CIMIP2A: variants seen among roughly 807,000 people sequenced by gnomAD.
The protein encoded by CIMIP2A is ciliary microtubule inner protein 2A, also known as family with sequence similarity 166 member A.
chr9:137,254,395 G>A, the CIMIP2A span, among the ~76,000 whole-genome samples: 2 of 81,316 alleles, frequency 2.5e-5, no homozygotes, highest in South Asian at 4.3e-4. Context: ...CCCGGCTTGT[G>A]GGAACAGGAG....
the CIMIP2A span, chr9:137,251,197 T>C: frequency 1.0e-6 from 1 of 957,714 alleles, no homozygotes; most frequent in Non-Finnish European, 1.7e-6. Context: ...AGACAATGTG[T>C]CTTCCTCAGG....
the CIMIP2A span, chr9:137,252,573 G>A: frequency 6.7e-7 from 1 of 1,496,352 alleles, no homozygotes; most frequent in African/African-American, 1.4e-5. Flanking sequence ...CAGGCAGGGG[G>A]CTGGGGGTTC....
chr9:137,244,157 C>T, the CIMIP2A span: 3 of 1,613,070 alleles, frequency 1.9e-6, no homozygotes, highest in Non-Finnish European at 2.5e-6. Context: ...TGTGACCCTG[C>T]CCACTCTACT....
At chr9:137,253,588 C>A in the CIMIP2A span, 1 of 1,127,838 alleles carries the variant, frequency 8.9e-7, no homozygotes, top group Non-Finnish European at 1.2e-6. Flanking sequence ...CTCCATTCAG[C>A]TGCCCCTGAA....
At chr9:137,252,307 T>G in the CIMIP2A span, 1 of 1,317,394 alleles carries the variant, frequency 7.6e-7, no homozygotes, top group Non-Finnish European at 1.1e-6. Flanking sequence ...GGGCTAGGGC[T>G]GGGGCATGGG....
chr9:137,245,183 G>C, the CIMIP2A span: 185 of 1,157,404 alleles, frequency 1.6e-4, 1 homozygote, highest in African/African-American at 2.5e-3. Context: ...GGCGGCGGGC[G>C]GGGGGTGGGT....
chr9:137,250,045 C>T, the CIMIP2A span, among the ~76,000 whole-genome samples: 1 of 152,134 alleles, frequency 6.6e-6, no homozygotes, highest in South Asian at 2.1e-4. Flanking sequence ...ACACCATCTC[C>T]AGGTAAATGG....
the CIMIP2A span, chr9:137,245,328 G>A: frequency 1.5e-4 from 246 of 1,592,422 alleles, 1 homozygote; most frequent in Middle Eastern, 1.8e-3. Context: ...TGGGGGCCTC[G>A]CAAACAGGAG....
At chr9:137,252,280 G>A in the CIMIP2A span, 2 of 1,334,496 alleles carry the variant, frequency 1.5e-6, no homozygotes, top group South Asian at 2.8e-5. Flanking sequence ...CACCTGTAAG[G>A]AGGCCTGGAG....
At chr9:137,252,384 C>T in the CIMIP2A span, 2,815 of 1,556,510 alleles carry the variant, frequency 1.8e-3, 36 homozygotes, top group African/African-American at 0.032. Flanking sequence ...CGAGTGGGGA[C>T]TGTCACCTGG....
the CIMIP2A span, among the ~76,000 whole-genome samples, chr9:137,247,039 A>C: frequency 3.3e-5 from 5 of 151,932 alleles, no homozygotes; most frequent in Admixed American, 2.0e-4. Context: ...TCATCCCAGC[A>C]CTTTGGGAGG....
chr9:137,247,672 T>A, the CIMIP2A span: 1 of 1,612,992 alleles, frequency 6.2e-7, no homozygotes, highest in Non-Finnish European at 8.5e-7. Context: ...AGGGACATAG[T>A]GAGGCTCCGG....
At chr9:137,247,868 C>T in the CIMIP2A span, 1 of 713,916 alleles carries the variant, frequency 1.4e-6, no homozygotes, top group South Asian at 1.7e-5. Context: ...TGAGGGCCCA[C>T]ATTGCACAGG....
chr9:137,247,703 G>C, the CIMIP2A span: 1 of 1,613,432 alleles, frequency 6.2e-7, no homozygotes, highest in Non-Finnish European at 8.5e-7. Flanking sequence ...TCGTGTTTCT[G>C]AGTAGTTGTC....
the CIMIP2A span, chr9:137,245,508 C>A: frequency 2.5e-6 from 4 of 1,613,884 alleles, no homozygotes; most frequent in Non-Finnish European, 3.4e-6. Flanking sequence ...CGTCCACCTC[C>A]AAGGGTGGGA....
chr9:137,243,910 A>C, the CIMIP2A span: 1 of 1,157,640 alleles, frequency 8.6e-7, no homozygotes, highest in Non-Finnish European at 1.3e-6. Flanking sequence ...TTGGTGGGGA[A>C]CTTGCTTGTT....
the CIMIP2A span, chr9:137,252,461 A>C: frequency 1.9e-6 from 3 of 1,610,614 alleles, no homozygotes; most frequent in African/African-American, 2.7e-5. Flanking sequence ...AGGGCATGGC[A>C]GACTTTGTGG....
chr9:137,245,163 G>A, the CIMIP2A span: 12 of 1,537,028 alleles, frequency 7.8e-6, no homozygotes, highest in Middle Eastern at 1.7e-4. Flanking sequence ...CACATCTAGC[G>A]TCTCCTGCTG....
the CIMIP2A span, chr9:137,244,665 T>C: frequency 1.2e-4 from 196 of 1,613,868 alleles, 3 homozygotes; most frequent in South Asian, 2.0e-3. Flanking sequence ...AATTCGTCCA[T>C]GGCTTGCATG....
Sources: gnomAD v4.1 joint callset for allele counts (sites outside exome capture counted in the v4.1 genomes callset) on GRCh38, gnomAD v4.1.1 for gene constraint, MANE v1.5 for transcripts, NCBI Gene and HGNC (gene_info 2026-07-23, HGNC 2026-07-21) for gene names.